PLXNA2: variants seen among roughly 807,000 people sequenced by gnomAD.
PLXNA2 encodes plexin-A2.
Under a neutral mutation model 193.5 loss-of-function variants are expected in PLXNA2, and 91 were observed. The observed-to-expected ratio is 0.47, with a 90% CI of 0.40 to 0.56. The LOEUF (loss-of-function observed/expected upper bound fraction) is 0.56, where lower values mean the gene tolerates loss of function less well. Ranked by LOEUF, PLXNA2 falls within the 20% of genes least tolerant of loss-of-function variation. PLXNA2 has a pLI of 0.00. For missense variants in PLXNA2, 1,995 were observed against 2,503.2 expected, an observed-to-expected ratio of 0.80 and a Z score of 4.33; for synonymous variants, 997 against 1,027.3, an observed-to-expected ratio of 0.97 and a Z score of 0.56.
chr1:208,225,049 C>A (rs993664471), intron 1 of PLXNA2, among the ~76,000 whole-genome samples: 1 of 152,152 alleles, frequency 6.6e-6, no homozygotes, highest in Non-Finnish European at 1.5e-5. Context: ...GAGAGGGGAG[C>A]TGCGTGCGGC....
intron 13 of PLXNA2, among the ~76,000 whole-genome samples, chr1:208,058,742 C>T (rs1043940057): frequency 2.6e-5 from 4 of 152,188 alleles, no homozygotes; most frequent in African/African-American, 4.8e-5. Context: ...CACAGCCTCA[C>T]GTGCAGCTTC....
chr1:208,231,514 G>A (rs1258043589), intron 1 of PLXNA2, among the ~76,000 whole-genome samples: 2 of 152,150 alleles, frequency 1.3e-5, no homozygotes, highest in Admixed American at 1.3e-4. Flanking sequence ...GCGAAGGTGT[G>A]AGCACGTCTG....
intron 3 of PLXNA2, among the ~76,000 whole-genome samples, chr1:208,144,862 G>T (rs1668559332): frequency 6.6e-6 from 1 of 152,022 alleles, no homozygotes; most frequent in African/African-American, 2.4e-5. Flanking sequence ...CATTTTCACA[G>T]GGTCAAGGGG....
intron 14 of PLXNA2, 118 bp downstream of exon 14, chr1:208,054,303 C>T: frequency 3.0e-6 from 2 of 677,488 alleles, no homozygotes; most frequent in Middle Eastern, 4.1e-4. Flanking sequence ...GTCCTTTTCT[C>T]CTCCTTGGTC....
At chr1:208,048,583 C>T (rs987191434) in intron 17 of PLXNA2, among the ~76,000 whole-genome samples, 13 of 152,128 alleles carry the variant, frequency 8.5e-5, no homozygotes, top group African/African-American at 7.2e-5. Flanking sequence ...CTGGAGGAAG[C>T]GCTGAGAACA....
chr1:208,046,797 AGTGTGTGTGTGTGTGTGTGTGTGTGT>A (rs57420579), intron 17 of PLXNA2, among the ~76,000 whole-genome samples: 1 of 129,592 alleles, frequency 7.7e-6, no homozygotes, highest in Non-Finnish European at 1.6e-5. Flanking sequence ...AGAACAGCAT[AGTGTGTGTGTGTGTGTGTGTGTGTGT>A]GTGTGTGTGT....
chr1:208,047,717 G>A (rs1204934735), intron 17 of PLXNA2, among the ~76,000 whole-genome samples: 2 of 152,204 alleles, frequency 1.3e-5, no homozygotes, highest in Non-Finnish European at 2.9e-5. Flanking sequence ...ACACACACGA[G>A]CTTCATGTTC....
intron 3 of PLXNA2, among the ~76,000 whole-genome samples, chr1:208,202,200 G>C (rs1460088798): frequency 6.6e-6 from 1 of 151,858 alleles, no homozygotes; most frequent in South Asian, 2.1e-4. Flanking sequence ...GGCTGGTCTC[G>C]AACTCCTGAC....
intron 3 of PLXNA2, 133 bp from the exon 4 acceptor site, chr1:208,142,596 C>T (rs575584023): frequency 3.6e-6 from 3 of 842,332 alleles, no homozygotes; most frequent in Non-Finnish European, 5.2e-6. Flanking sequence ...GACTGAAGTG[C>T]CACTTCTTTT....
chr1:208,084,865 C>A (rs1360132607), intron 9 of PLXNA2, among the ~76,000 whole-genome samples: 1 of 152,214 alleles, frequency 6.6e-6, no homozygotes, highest in African/African-American at 2.4e-5. Flanking sequence ...TCCTGAGACA[C>A]TGGATAAAAG....
chr1:208,203,015 G>A (rs1312213324), intron 3 of PLXNA2, among the ~76,000 whole-genome samples: 1 of 152,176 alleles, frequency 6.6e-6, no homozygotes, highest in Non-Finnish European at 1.5e-5. Flanking sequence ...GTCTGCTGGG[G>A]ATCTGGACAG....
At chr1:208,058,743 G>C (rs902658875) in intron 13 of PLXNA2, among the ~76,000 whole-genome samples, 1 of 152,168 alleles carries the variant, frequency 6.6e-6, no homozygotes, top group East Asian at 1.9e-4. Flanking sequence ...ACAGCCTCAC[G>C]TGCAGCTTCT....
rs567031754 is a variant in PLXNA2 at position 208,065,463 on chromosome 1, T to C, written c.2587-4626A>G. On this transcript the variant is annotated intron_variant, in intron 12 of 31. Coordinates refer to ENST00000367033, the MANE Select transcript of PLXNA2 (RefSeq NM_025179.4). ...GGGATGATGTGAAGATTAAGTGAGA[T>C]AACATCTGGAGAGTTCTTAGTATGC... Among the ~76,000 whole-genome samples, 96 of 152,370 alleles carry C rather than the reference T, an allele frequency of 6.3e-4. No individual in the cohort carries two copies. In the Middle Eastern group the frequency reaches 0.01, roughly 16 times the overall value.
At chr1:208,219,762 G>A (rs997782303) in intron 1 of PLXNA2, among the ~76,000 whole-genome samples, 6 of 152,172 alleles carry the variant, frequency 3.9e-5, no homozygotes, top group African/African-American at 1.4e-4. Context: ...CAGGGTGTTC[G>A]GGGTGACTCA....
At chr1:208,231,912 G>C (rs1299741714) in intron 1 of PLXNA2, among the ~76,000 whole-genome samples, 1 of 152,232 alleles carries the variant, frequency 6.6e-6, no homozygotes, top group Non-Finnish European at 1.5e-5. Flanking sequence ...TACTCAAGAG[G>C]ATACTCTCTG....
At position 208,052,393 on chromosome 1, in the gene PLXNA2, C is replaced by CCGGTAATGGTCACCATAGTG; in HGVS notation, c.2907_2926dup (p.Gly976AlafsTer4). 1 of 1,613,960 alleles carries CCGGTAATGGTCACCATAGTG rather than the reference C, an allele frequency of 6.2e-7. No homozygotes were observed. Among genetic ancestry groups the CCGGTAATGGTCACCATAGTG allele is most frequent in the Non-Finnish European group, 8.5e-7 (1 of 1,179,924 alleles). On this transcript the variant is annotated stop_gained and frameshift_variant, in exon 15 of 32. Transcript: ENST00000367033. LOFTEE classifies it high-confidence loss of function. Reference sequence around the variant, plus strand: ...GCTGCTCCCAGCCCCAAGGTAATGGCCGGTAATGGTCACCATAGTGCCTCC... The same window carrying CCGGTAATGGTCACCATAGTG: ...GCTGCTCCCAGCCCCAAGGTAATGGCCGGTAATGGTCACCATAGTGCGGTAATGGTCACCATAGTGCCTCC...
chr1:208,166,834 T>C (rs1398814615), intron 3 of PLXNA2, among the ~76,000 whole-genome samples: 1 of 152,232 alleles, frequency 6.6e-6, no homozygotes, highest in Non-Finnish European at 1.5e-5. Context: ...AGATGGATTC[T>C]AAACCTCTGG....
At chr1:208,163,266 C>T (rs1669190414) in intron 3 of PLXNA2, among the ~76,000 whole-genome samples, 1 of 152,108 alleles carries the variant, frequency 6.6e-6, no homozygotes, top group African/African-American at 2.4e-5. Context: ...TATACCCTAC[C>T]TACAAGCTGC....
chr1:208,179,865 C>T (rs1037362096), intron 3 of PLXNA2, among the ~76,000 whole-genome samples: 1 of 152,142 alleles, frequency 6.6e-6, no homozygotes, highest in Admixed American at 6.5e-5. Context: ...TACAGTATCC[C>T]CTGCCACCCC....
Sources: gnomAD v4.1 joint callset for allele counts (sites outside exome capture counted in the v4.1 genomes callset) on GRCh38, gnomAD v4.1.1 for gene constraint, MANE v1.5 for transcripts, NCBI Gene and HGNC (gene_info 2026-07-23, HGNC 2026-07-21) for gene names.